CDC20B: variants seen among roughly 807,000 people sequenced by gnomAD.
CDC20B encodes cell division cycle protein 20 homolog B.
CDC20B carries 58 observed loss-of-function variants against 64.1 expected under a neutral mutation model. The ratio of observed to expected loss-of-function variants is 0.90; its 90% CI spans 0.73 to 1.13. The LOEUF (loss-of-function observed/expected upper bound fraction) is 1.13. Ranked by LOEUF, CDC20B falls within the 50% of genes most tolerant of loss-of-function variation. CDC20B has a pLI of 0.00. For synonymous variants in CDC20B, 243 were observed against 230.6 expected, an observed-to-expected ratio of 1.05 and a Z score of -0.49; for missense variants, 597 against 633.0, an observed-to-expected ratio of 0.94 and a Z score of 0.61.
chr5:55,134,571 G>A (rs1407957887), intron 5 of CDC20B, among the ~76,000 whole-genome samples: 1 of 152,074 alleles, frequency 6.6e-6, no homozygotes, highest in Non-Finnish European at 1.5e-5. Flanking sequence ...AGACCCACCT[G>A]GGCAACACGG....
At chr5:55,153,586 T>G (rs1743732715) in intron 2 of CDC20B, among the ~76,000 whole-genome samples, 1 of 142,682 alleles carries the variant, frequency 7.0e-6, no homozygotes, top group Non-Finnish European at 1.5e-5. Context: ...CAGATCCACG[T>G]TAGCCTGAAT....
At chr5:55,160,213 C>A in intron 2 of CDC20B, 1 of 1,613,952 alleles carries the variant, frequency 6.2e-7, no homozygotes, top group Non-Finnish European at 8.5e-7. Flanking sequence ...TTGCAGCTTA[C>A]CCGCTAAAAT....
Position 55,119,920 on chromosome 5 carries a change from T to C in CDC20B, c.1342-2A>G. On this transcript the variant is annotated splice_acceptor_variant, in intron 10 of 11. Coordinates refer to ENST00000381375, the MANE Select transcript of CDC20B (RefSeq NM_001170402.1). LOFTEE classifies it high-confidence loss of function. ...AGGTAGCCAGATTAAGGAACAAATC[T>C]GTAATAATGATCAAAAATAGAGAAT... 6.3e-7 allele frequency: 1 copy of C among 1,585,852 alleles called. No homozygotes were observed. Among genetic ancestry groups the C allele is most frequent in the Non-Finnish European group, 8.7e-7 (1 of 1,154,296 alleles).
chr5:55,115,254 T>C (rs1742595185), intron 11 of CDC20B, among the ~76,000 whole-genome samples: 1 of 152,226 alleles, frequency 6.6e-6, no homozygotes, highest in Non-Finnish European at 1.5e-5. Flanking sequence ...AGTAGTCCTA[T>C]GAGAGGTTAA....
chr5:55,136,683 C>T (rs1743181956), intron 5 of CDC20B: 1 of 152,110 alleles, frequency 6.6e-6, no homozygotes. Flanking sequence ...GATATGCTTA[C>T]CAGAACTTAT....
chr5:55,172,439 T>C, intron 2 of CDC20B, 149 bp downstream of exon 2: 1 of 610,030 alleles, frequency 1.6e-6, no homozygotes, highest in South Asian at 2.1e-5. Flanking sequence ...TTCAGTTTCA[T>C]AAAGAAATTT....
intron 2 of CDC20B, chr5:55,164,346 C>T: frequency 2.0e-6 from 1 of 501,834 alleles, no homozygotes; most frequent in East Asian, 3.4e-5. Context: ...AGTGCGTTCT[C>T]AGCTCATTGC....
At chr5:55,134,291 T>C (rs186215631) in intron 5 of CDC20B, among the ~76,000 whole-genome samples, 2 of 152,292 alleles carry the variant, frequency 1.3e-5, no homozygotes, top group East Asian at 3.9e-4. Flanking sequence ...GATAAAAGCA[T>C]GAGAGCTTCA....
At chr5:55,156,534 T>TAATGTGTCTACTAAAG (rs1283862296) in intron 2 of CDC20B, among the ~76,000 whole-genome samples, 3 of 152,150 alleles carry the variant, frequency 2.0e-5, no homozygotes, top group Non-Finnish European at 2.9e-5. Context: ...GTGAAGAAGG[T>TAATGTGTCTACTAAAG]AATGTGTCTA....
intron 2 of CDC20B, among the ~76,000 whole-genome samples, chr5:55,159,881 T>G (rs564489727): frequency 6.6e-6 from 1 of 152,346 alleles, no homozygotes; most frequent in East Asian, 1.9e-4. Flanking sequence ...TCCGTAGCTT[T>G]CGAGTTACAA....
rs1407384695 is a variant in CDC20B, at chr5:55,113,778, A to ATGAGT, written c.*435_*439dup. 6.4e-6 allele frequency: 1 copy of ATGAGT among 157,332 alleles called. No individual in the cohort carries two copies. Among genetic ancestry groups the ATGAGT allele is most frequent in the African/African-American group, 2.4e-5 (1 of 41,472 alleles). 9.7% of individuals were successfully genotyped at this position (157,332 alleles called of 1,614,324 possible). ...ATTTTAGTAAGTGTTTTTCAAGTGAATGAGTTGTGTTTTCAATGTGTTGAG... is the reference window on the plus strand; with the variant it reads ...ATTTTAGTAAGTGTTTTTCAAGTGAATGAGTTGAGTTGTGTTTTCAATGTGTTGAG... On this transcript the variant is annotated 3_prime_UTR_variant, in exon 12 of 12. Transcript: ENST00000381375.
intron 2 of CDC20B, among the ~76,000 whole-genome samples, chr5:55,171,432 C>T (rs936131647): frequency 6.6e-6 from 1 of 152,252 alleles, no homozygotes; most frequent in Non-Finnish European, 1.5e-5. Context: ...AATACATAAG[C>T]TGTGCACGAC....
intron 11 of CDC20B, among the ~76,000 whole-genome samples, chr5:55,116,152 A>G (rs1426291070): frequency 6.6e-6 from 1 of 152,220 alleles, no homozygotes. Context: ...CTGATGAAAG[A>G]ATCTCTTTTT....
chr5:55,138,404 A>C (rs914923852), intron 5 of CDC20B, among the ~76,000 whole-genome samples: 1 of 152,146 alleles, frequency 6.6e-6, no homozygotes, highest in Non-Finnish European at 1.5e-5. Flanking sequence ...CAAGTGATCC[A>C]CTGCCTCGGC....
chr5:55,123,305 C>T (rs191820477), intron 9 of CDC20B, among the ~76,000 whole-genome samples: 78 of 152,284 alleles, frequency 5.1e-4, no homozygotes, highest in African/African-American at 1.8e-3. Context: ...TTTCACAGAA[C>T]ACAAAATTTT....
chr5:55,172,685 CTATT>C (rs1744642108), intron 1 of CDC20B, 35 bp from the exon 2 acceptor site: 3 of 1,470,462 alleles, frequency 2.0e-6, no homozygotes, highest in Non-Finnish European at 2.8e-6. Flanking sequence ...GAGGGAGAAA[CTATT>C]TAGGAAAATC....
chr5:55,160,192 C>A (rs1743958293), intron 2 of CDC20B: 18 of 1,612,720 alleles, frequency 1.1e-5, no homozygotes, highest in Non-Finnish European at 1.5e-5. Context: ...AATCCTCCAA[C>A]ATGGAGCCTC....
intron 5 of CDC20B, among the ~76,000 whole-genome samples, chr5:55,138,057 C>T (rs1466370410): frequency 6.6e-6 from 1 of 151,258 alleles, no homozygotes; most frequent in African/African-American, 2.4e-5. Flanking sequence ...ATGGATATAC[C>T]AGAAGAAACC....
At chr5:55,148,159 A>T (rs1743551703) in intron 2 of CDC20B, among the ~76,000 whole-genome samples, 1 of 152,260 alleles carries the variant, frequency 6.6e-6, no homozygotes, top group Non-Finnish European at 1.5e-5. Context: ...AAGACAATTC[A>T]TAAAAGAGAT....
Sources: gnomAD v4.1 joint callset for allele counts (sites outside exome capture counted in the v4.1 genomes callset) on GRCh38, gnomAD v4.1.1 for gene constraint, MANE v1.5 for transcripts, NCBI Gene and HGNC (gene_info 2026-07-23, HGNC 2026-07-21) for gene names.